TRIO: variants seen among roughly 807,000 people sequenced by gnomAD.
The protein encoded by TRIO is trio Rho guanine nucleotide exchange factor.
A neutral mutation model predicts 351.9 loss-of-function variants in TRIO; 58 were observed. That is an observed-to-expected ratio of 0.16 (90% CI 0.13 to 0.21). The LOEUF is 0.21. Ranked by LOEUF, TRIO falls within the 10% of genes least tolerant of loss-of-function variation. The pLI is 1.00. For missense variants in TRIO, 3,201 were observed against 4,027.8 expected (o/e 0.79, Z 5.56); for synonymous variants, 1,758 against 1,595.7 (o/e 1.10, Z -2.42).
intron 34 of TRIO, 90 bp from the exon 35 acceptor site, chr5:14,460,929 G>T: frequency 7.1e-7 from 1 of 1,417,124 alleles, no homozygotes; most frequent in Non-Finnish European, 9.3e-7. Context: ...AGGCCCACTG[G>T]CTTCCCTGCA....
intron 30 of TRIO, among the ~76,000 whole-genome samples, chr5:14,399,579 A>C (rs568365373): frequency 5.3e-5 from 8 of 152,234 alleles, no homozygotes; most frequent in Non-Finnish European, 8.8e-5. Context: ...GCCAAAGTAC[A>C]GTCTGAAAGA....
At chr5:14,316,322 A>G (rs1451065413) in intron 8 of TRIO, among the ~76,000 whole-genome samples, 191 bp from the exon 9 acceptor site, 1 of 152,192 alleles carries the variant, frequency 6.6e-6, no homozygotes, top group Non-Finnish European at 1.5e-5. Context: ...ATTGTTTTAA[A>G]TTTTATCCTA....
chr5:14,264,724 G>A (rs1795559229), intron 1 of TRIO, among the ~76,000 whole-genome samples: 1 of 152,200 alleles, frequency 6.6e-6, no homozygotes, highest in Non-Finnish European at 1.5e-5. Flanking sequence ...CAAACATCGG[G>A]CAGCCACGTG....
chr5:14,419,145 C>T (rs1237090987), intron 33 of TRIO, among the ~76,000 whole-genome samples: 1 of 152,136 alleles, frequency 6.6e-6, no homozygotes, highest in Admixed American at 6.5e-5. Context: ...GTCTGCAGAG[C>T]CTGTGGTGCC....
intron 1 of TRIO, among the ~76,000 whole-genome samples, chr5:14,268,519 G>C (rs1033201935): frequency 6.6e-6 from 1 of 152,208 alleles, no homozygotes; most frequent in East Asian, 1.9e-4. Context: ...ACATTTCTCT[G>C]TCTGAGGGCT....
At position 14,507,871 on chromosome 5, in the gene TRIO, G is replaced by C; in HGVS notation, c.8752-9G>C. ...GGTCTGAAAATGACAGTTGTATTCT[G>C]ATTTCCAGCCTGAGAATATCCTGGT... On this transcript the variant is annotated splice_polypyrimidine_tract_variant and intron_variant, in intron 56 of 56. Coordinates refer to ENST00000344204, the MANE Select transcript of TRIO (RefSeq NM_007118.4). 6.2e-7 allele frequency: 1 copy of C among 1,609,168 alleles called. No individual in the cohort carries two copies. Among genetic ancestry groups the C allele is most frequent in the Non-Finnish European group, 8.5e-7 (1 of 1,177,396 alleles).
chr5:14,277,211 G>A (rs1190696203), intron 2 of TRIO, among the ~76,000 whole-genome samples: 3 of 152,188 alleles, frequency 2.0e-5, no homozygotes, highest in Non-Finnish European at 2.9e-5. Flanking sequence ...AAAAGAATAT[G>A]TAAATTGTAC....
At chr5:14,283,694 C>T (rs541711903) in intron 3 of TRIO, among the ~76,000 whole-genome samples, 3 of 152,070 alleles carry the variant, frequency 2.0e-5, no homozygotes, top group African/African-American at 4.8e-5. Flanking sequence ...TCAACAGGAA[C>T]GTGACCTGAG....
intron 48 of TRIO, among the ~76,000 whole-genome samples, chr5:14,489,809 G>T (rs143487034): frequency 7.9e-5 from 12 of 152,156 alleles, no homozygotes; most frequent in African/African-American, 2.9e-4. Flanking sequence ...GTGTTCCCGC[G>T]AGCTTTAGGT....
intron 46 of TRIO, among the ~76,000 whole-genome samples, chr5:14,483,873 C>CA (rs1441576882): frequency 6.6e-6 from 1 of 152,182 alleles, no homozygotes; most frequent in Non-Finnish European, 1.5e-5. Flanking sequence ...ACTGTGCGCC[C>CA]ATCCCCTGGA....
chr5:14,167,747 T>A (rs991095201), intron 1 of TRIO, among the ~76,000 whole-genome samples: 2 of 152,110 alleles, frequency 1.3e-5, no homozygotes, highest in African/African-American at 4.8e-5. Flanking sequence ...GAGCTCTTGG[T>A]GCCCTTGAAG....
At chr5:14,179,655 C>T (rs1027498634) in intron 1 of TRIO, among the ~76,000 whole-genome samples, 3 of 151,736 alleles carry the variant, frequency 2.0e-5, no homozygotes, top group African/African-American at 7.3e-5. Context: ...CACTGTTTTG[C>T]CCAGGCTGAT....
intron 1 of TRIO, among the ~76,000 whole-genome samples, chr5:14,232,973 G>A (rs542543292): frequency 7.9e-5 from 12 of 152,314 alleles, no homozygotes; most frequent in Middle Eastern, 3.4e-3. Flanking sequence ...TGGCCACAGT[G>A]GAACCAGACT....
chr5:14,204,000 A>G (rs1443166574), intron 1 of TRIO, among the ~76,000 whole-genome samples: 3 of 152,242 alleles, frequency 2.0e-5, no homozygotes, highest in Non-Finnish European at 4.4e-5. Context: ...CAACAAATGT[A>G]GGAAGAATTG....
chr5:14,496,152 A>G (rs566955643), intron 49 of TRIO, among the ~76,000 whole-genome samples: 1 of 152,340 alleles, frequency 6.6e-6, no homozygotes, highest in South Asian at 2.1e-4. Flanking sequence ...TTTTTTAGAC[A>G]TAATACTATT....
In TRIO at chr5:14,358,169, C is replaced by T; in HGVS notation, c.2047-9C>T. On this transcript the variant is annotated splice_polypyrimidine_tract_variant and intron_variant, in intron 11 of 56. Transcript: ENST00000344204. ...CCGGCCGGCCTCACCCCCCTCTCCC[C>T]TTCCCCAGCTGTGGACGTGGCTGGA... The T allele has an allele frequency of 6.2e-7, 1 of 1,609,816 alleles. No individual in the cohort carries two copies. Among genetic ancestry groups the T allele is most frequent in the Non-Finnish European group, 8.5e-7 (1 of 1,176,846 alleles).
At position 14,462,941 on chromosome 5, in the gene TRIO, G is replaced by T; in HGVS notation, c.5667+16G>T. ...GGATGACAAGGTAAAGGGGGATGAG[G>T]GCTGGGGAATCCATGCCTGCCGTGC... On this transcript the variant is annotated intron_variant, in intron 36 of 56. Coordinates refer to ENST00000344204, the MANE Select transcript of TRIO (RefSeq NM_007118.4). 1.3e-6 allele frequency: 2 copies of T among 1,552,824 alleles called. No individual in the cohort carries two copies. Among genetic ancestry groups the T allele is most frequent in the Non-Finnish European group, 1.7e-6 (2 of 1,152,016 alleles).
At chr5:14,173,409 A>G (rs1789223881) in intron 1 of TRIO, among the ~76,000 whole-genome samples, 1 of 151,698 alleles carries the variant, frequency 6.6e-6, no homozygotes, top group Admixed American at 6.6e-5. Flanking sequence ...ACGGGCTTTC[A>G]CCATGTTGGT....
rs2277045 is a variant in TRIO at position 14,330,831 on chromosome 5, T to C, written c.1785T>C (p.Gly595=). The C allele has an allele frequency of 0.039, 62,947 of 1,613,698 alleles. 1,542 individuals carry two copies. Among genetic ancestry groups the C allele is most frequent in the African/African-American group, 0.06 (4,516 of 74,964 alleles). The change falls in exon 10 of 57, where the codon GGT becomes GGC. Residue 595 remains glycine (G), a synonymous_variant. Transcript: ENST00000344204. ...HGEAFLSKHT[G]VGKSLHRARA... is the part of the protein sequence containing the mutation. ...AAGCATTTCTGAGCAAACATACAGG[T>C]GTGGGGAAATCTCTTCATCGGGCCA...
Sources: gnomAD v4.1 joint callset for allele counts (sites outside exome capture counted in the v4.1 genomes callset) on GRCh38, gnomAD v4.1.1 for gene constraint, MANE v1.5 for transcripts, NCBI Gene and HGNC (gene_info 2026-07-23, HGNC 2026-07-21) for gene names.